EARS2: variants seen among roughly 807,000 people sequenced by gnomAD.
EARS2 encodes glutamyl-tRNA synthetase 2, mitochondrial, also known as nondiscriminating glutamyl-tRNA synthetase EARS2, mitochondrial.
In EARS2, 50 loss-of-function variants were observed where a neutral mutation model predicts 54.1. The observed-to-expected ratio is 0.92, with a 90% CI of 0.74 to 1.17. The LOEUF (loss-of-function observed/expected upper bound fraction) is 1.17. EARS2 is among the 50% of genes most tolerant of loss of function. EARS2 has a pLI of 0.00. For missense variants in EARS2, 673 were observed against 675.0 expected (o/e 1.00, Z 0.03); for synonymous variants, 298 against 281.0 (o/e 1.06, Z -0.61).
chr16:23,543,549 C>T (rs1163101629), intron 3 of EARS2, among the ~76,000 whole-genome samples: 1 of 151,620 alleles, frequency 6.6e-6, no homozygotes, highest in African/African-American at 2.4e-5. Flanking sequence ...GCCTGGCCAA[C>T]ACAGTGACAC....
chr16:23,540,732 T>G (rs1184280755), intron 3 of EARS2, among the ~76,000 whole-genome samples: 1 of 151,914 alleles, frequency 6.6e-6, no homozygotes, highest in Non-Finnish European at 1.5e-5. Flanking sequence ...GAGCTCGTCC[T>G]AGCACTTTGG....
chr16:23,544,781 A>C, intron 2 of EARS2, 78 bp from the exon 3 acceptor site: 1 of 1,268,636 alleles, frequency 7.9e-7, no homozygotes. Flanking sequence ...CTTTATGCAC[A>C]TATTAAAGCT....
intron 1 of EARS2, among the ~76,000 whole-genome samples, chr16:23,553,304 T>C (rs1965725876): frequency 6.6e-6 from 1 of 152,166 alleles, no homozygotes; most frequent in Non-Finnish European, 1.5e-5. Flanking sequence ...CATCCACCAC[T>C]CTATTTTGAT....
chr16:23,551,669 C>T (rs893927408), intron 2 of EARS2, among the ~76,000 whole-genome samples: 4 of 152,094 alleles, frequency 2.6e-5, no homozygotes, highest in African/African-American at 9.7e-5. Context: ...CCTATAATCC[C>T]AGCACTTTGG....
rs557748006 is a variant in EARS2, at chr16:23,522,452, G to C, written c.*1919C>G. 6.6e-6 allele frequency: 1 copy of C among 152,168 alleles called. No homozygotes were observed. Among genetic ancestry groups the C allele is most frequent in the South Asian group, 2.1e-4 (1 of 4,824 alleles). The allele number at this position is 152,168 out of a possible 1,614,324, so 9.4% of individuals were successfully genotyped here. The stretch of plus-strand genomic sequence containing the variant: ...CCATTAGCTCCTGTAGCTAGTTCCT[G>C]TCTTTTCCAAAACCTGTTTTTTTTT... On this transcript the variant is annotated 3_prime_UTR_variant, in exon 9 of 9. Transcript: ENST00000449606.
chr16:23,542,779 T>C lies in EARS2; in HGVS notation c.485+1735A>G, dbSNP rs1256269007. 6.6e-5 allele frequency among the ~76,000 whole-genome samples: 10 copies of C among 152,248 alleles called. No homozygotes were observed. In the South Asian group the frequency reaches 2.1e-3, roughly 32 times the overall value. On this transcript the variant is annotated intron_variant, in intron 3 of 8. Transcript: ENST00000449606. Reference sequence around the variant, plus strand: ...GAGTGTGGGCTGGGCCTAGTGACTTTTGTCTAATGAACAAAAATAATGCCA... The same window carrying C: ...GAGTGTGGGCTGGGCCTAGTGACTTCTGTCTAATGAACAAAAATAATGCCA...
rs150304027 is a variant in EARS2 at position 23,524,343 on chromosome 16, G to A, written c.*28C>T. ...TTCTAAGCTCACAGGTTCTTAGGGC[G>A]ATCTCCACTGCCCGAAACATCCTCT... is the stretch of plus-strand genomic sequence containing the variant. On this transcript the variant is annotated 3_prime_UTR_variant, in exon 9 of 9. Coordinates refer to ENST00000449606, the MANE Select transcript of EARS2 (RefSeq NM_001083614.2). 16 of 1,591,484 alleles carry A rather than the reference G, an allele frequency of 1.0e-5. No individual in the cohort carries two copies. In the East Asian group the frequency reaches 1.3e-4, roughly 13 times the overall value.
intron 1 of EARS2, chr16:23,553,020 C>A: frequency 2.6e-6 from 1 of 385,008 alleles, no homozygotes; most frequent in Non-Finnish European, 5.2e-6. Context: ...CCTGTGGTTT[C>A]AGTTACTGAG....
intron 2 of EARS2, among the ~76,000 whole-genome samples, chr16:23,549,648 G>C (rs1282543399): frequency 6.6e-6 from 1 of 152,076 alleles, no homozygotes; most frequent in African/African-American, 2.4e-5. Context: ...TAGAGATGAG[G>C]TCTCACTATG....
chr16:23,532,558 C>T lies in EARS2; in HGVS notation c.1067+99G>A, dbSNP rs532286721. 16 of 764,646 alleles carry T rather than the reference C, an allele frequency of 2.1e-5. No homozygotes were observed. In the South Asian group the frequency reaches 2.6e-4, roughly 12 times the overall value. 47.4% of individuals were successfully genotyped at this position (764,646 alleles called of 1,614,324 possible). A position where few individuals can be genotyped will look rare whatever the true frequency, so the allele number is the denominator to read the frequency against. ...GCTAGGTGATTTAGCCATGGTCACA[C>T]AGAATTAGGTACCAGAGCCCATTAT... On this transcript the variant is annotated intron_variant, in intron 5 of 8. Coordinates refer to ENST00000449606, the MANE Select transcript of EARS2 (RefSeq NM_001083614.2).
intron 5 of EARS2, among the ~76,000 whole-genome samples, chr16:23,530,157 G>C (rs1307237544): frequency 6.6e-6 from 1 of 152,180 alleles, no homozygotes; most frequent in African/African-American, 2.4e-5. Flanking sequence ...TGAGAGTCTT[G>C]CTCTGTTGCC....
chr16:23,546,160 T>C (rs1213726350), intron 2 of EARS2, among the ~76,000 whole-genome samples: 1 of 152,218 alleles, frequency 6.6e-6, no homozygotes, highest in Non-Finnish European at 1.5e-5. Context: ...TATGATCTAC[T>C]GTAAGCCAAA....
intron 1 of EARS2, among the ~76,000 whole-genome samples, chr16:23,555,883 T>C (rs1402465687): frequency 6.6e-6 from 1 of 152,236 alleles, no homozygotes; most frequent in Non-Finnish European, 1.5e-5. Context: ...TTTTGCCATA[T>C]TGGCCAGGCG....
chr16:23,529,408 G>A, intron 7 of EARS2, 94 bp downstream of exon 7: 6 of 1,496,526 alleles, frequency 4.0e-6, no homozygotes, highest in Non-Finnish European at 5.4e-6. Flanking sequence ...GTTGTGCTGG[G>A]GCCCCAACAG....
chr16:23,529,966 G>A, intron 5 of EARS2, 69 bp from the exon 6 acceptor site: 1 of 1,574,690 alleles, frequency 6.4e-7, no homozygotes, highest in African/African-American at 1.4e-5. Flanking sequence ...TCTCCCCCAG[G>A]GAAAGGGTGA....
intron 3 of EARS2, among the ~76,000 whole-genome samples, chr16:23,542,253 C>T (rs1965525384): frequency 1.3e-5 from 2 of 151,276 alleles, no homozygotes; most frequent in South Asian, 2.1e-4. Flanking sequence ...CTCCGCCCTC[C>T]CAAAGTGCTG....
chr16:23,538,579 A>C (rs1283341048), intron 3 of EARS2, among the ~76,000 whole-genome samples: 1 of 152,198 alleles, frequency 6.6e-6, no homozygotes, highest in East Asian at 1.9e-4. Context: ...TGTTCTGTCC[A>C]AGTGCGGTGG....
chr16:23,549,464 G>C (rs924922854), intron 2 of EARS2, among the ~76,000 whole-genome samples: 2 of 152,200 alleles, frequency 1.3e-5, no homozygotes, highest in African/African-American at 2.4e-5. Context: ...ACAGAGGTGA[G>C]GGCAGCTGCA....
intron 1 of EARS2, chr16:23,553,194 C>T (rs2142196963): frequency 6.1e-6 from 1 of 163,632 alleles, no homozygotes; most frequent in East Asian, 1.9e-4. Context: ...TACCCCTGTG[C>T]CCTGTCTCCA....
Sources: allele counts gnomAD v4.1 joint callset (sites outside exome capture counted in the v4.1 genomes callset), GRCh38; gene constraint gnomAD v4.1.1; transcripts MANE v1.5; gene names NCBI Gene and HGNC (gene_info 2026-07-23, HGNC 2026-07-21).